BCL2L1: variants seen among roughly 807,000 people sequenced by gnomAD.
BCL2L1 encodes BCL2 like 1.
A neutral mutation model predicts 18.7 loss-of-function variants in BCL2L1; 1 was observed. That is an observed-to-expected ratio of 0.05 (90% CI 0.02 to 0.25). BCL2L1 has a LOEUF of 0.25. BCL2L1 is among the 10% of genes least tolerant of loss of function. The pLI is 1.00. For synonymous variants in BCL2L1, 103 were observed against 122.7 expected (o/e 0.84, Z 1.06); for missense variants, 207 against 304.9 (o/e 0.68, Z 2.39).
At chr20:31,718,655 C>CAA (rs969020819) in intron 2 of BCL2L1, among the ~76,000 whole-genome samples, 16 of 66,098 alleles carry the variant, frequency 2.4e-4, no homozygotes, top group South Asian at 4.9e-4. Context: ...GACTCCGTCT[C>CAA]AAAAAAAAAA....
intron 2 of BCL2L1, among the ~76,000 whole-genome samples, chr20:31,691,474 A>T (rs1031788639): frequency 4.6e-5 from 7 of 151,234 alleles, no homozygotes; most frequent in African/African-American, 1.7e-4. Flanking sequence ...AGACCGTGCC[A>T]CTGTACTCCA....
chr20:31,690,605 CTG>C (rs1360937656), intron 2 of BCL2L1, among the ~76,000 whole-genome samples: 1 of 150,208 alleles, frequency 6.7e-6, no homozygotes, highest in Non-Finnish European at 1.5e-5. Flanking sequence ...GAGTCTCACT[CTG>C]TTGCCCAGGC....
At chr20:31,701,332 G>C (rs1289542422) in intron 2 of BCL2L1, among the ~76,000 whole-genome samples, 1 of 152,198 alleles carries the variant, frequency 6.6e-6, no homozygotes, top group Non-Finnish European at 1.5e-5. Flanking sequence ...GATTACAGGC[G>C]TGAGCCACCA....
chr20:31,704,104 C>CTTTT, intron 2 of BCL2L1, among the ~76,000 whole-genome samples: 1 of 114,190 alleles, frequency 8.8e-6, no homozygotes, highest in Non-Finnish European at 1.8e-5. Context: ...GGCCCTAAAC[C>CTTTT]TTTTTTTTTT....
intron 2 of BCL2L1, among the ~76,000 whole-genome samples, chr20:31,712,746 T>G (rs573757673): frequency 1.5e-4 from 23 of 152,196 alleles, no homozygotes; most frequent in African/African-American, 5.1e-4. Context: ...TATCCCTGCC[T>G]GACTCGGGGG....
At chr20:31,718,070 T>G (rs889802350) in intron 2 of BCL2L1, among the ~76,000 whole-genome samples, 7 of 152,180 alleles carry the variant, frequency 4.6e-5, no homozygotes, top group African/African-American at 7.2e-5. Flanking sequence ...ACCCTACAAT[T>G]ATGGCAGGAG....
Position 31,664,873 on chromosome 20 carries a change from GGCAGCCTGGCTGCCCAGGCT to G in BCL2L1, c.*1056_*1075del, listed in dbSNP as rs2060563687. 5 of 218,344 alleles carry G rather than the reference GGCAGCCTGGCTGCCCAGGCT, an allele frequency of 2.3e-5. No homozygotes were observed. The highest frequency in any genetic ancestry group is 4.6e-5 in the Non-Finnish European group (5 of 108,270). 13.5% of individuals were successfully genotyped at this position (218,344 alleles called of 1,614,324 possible). On this transcript the variant is annotated 3_prime_UTR_variant, in exon 3 of 3. Coordinates refer to ENST00000307677, the MANE Select transcript of BCL2L1 (RefSeq NM_138578.3). Reference sequence around the variant, plus strand: ...CTCCTGGCCAGGCCACTCTGGCCTTGGCAGCCTGGCTGCCCAGGCTGGACAGGCATGGGGCACAGATCTGC... The same window carrying G: ...CTCCTGGCCAGGCCACTCTGGCCTTGGGACAGGCATGGGGCACAGATCTGC...
chr20:31,675,221 T>C (rs1045176676), intron 2 of BCL2L1, among the ~76,000 whole-genome samples: 3 of 151,880 alleles, frequency 2.0e-5, no homozygotes, highest in Non-Finnish European at 2.9e-5. Context: ...AAGAGGTAGG[T>C]GGAGAAGAGG....
rs548328234 is a variant in BCL2L1 at position 31,668,750 on chromosome 20, G to A, written c.565-2664C>T. ...CTCCCAAGTAGCTGGGATTACAGGC[G>A]CGTGCCACCACACCTGGCTAATTTT... On this transcript the variant is annotated intron_variant, in intron 2 of 2. Transcript: ENST00000307677. Among the ~76,000 whole-genome samples, 188 of 151,504 alleles carry A rather than the reference G, an allele frequency of 1.2e-3. 1 individual carries two copies. The highest frequency in any genetic ancestry group is 2.2e-3 in the Non-Finnish European group (146 of 67,886).
intron 2 of BCL2L1, among the ~76,000 whole-genome samples, chr20:31,704,192 C>T (rs763190168): frequency 2.6e-5 from 4 of 151,048 alleles, no homozygotes; most frequent in Non-Finnish European, 5.9e-5. Flanking sequence ...CAACCTATGC[C>T]TCCCAGGTTC....
chr20:31,693,494 G>A (rs980572362), intron 2 of BCL2L1, among the ~76,000 whole-genome samples: 1 of 151,900 alleles, frequency 6.6e-6, no homozygotes, highest in Non-Finnish European at 1.5e-5. Context: ...AGCTGTGATT[G>A]GGGAGGGGGT....
At chr20:31,685,958 T>C (rs140676592) in intron 2 of BCL2L1, among the ~76,000 whole-genome samples, 2 of 152,290 alleles carry the variant, frequency 1.3e-5, no homozygotes, top group African/African-American at 2.4e-5. Flanking sequence ...TTATTATGCC[T>C]CCCTTACATT....
chr20:31,674,601 G>A (rs2060726906), intron 2 of BCL2L1, among the ~76,000 whole-genome samples: 1 of 152,120 alleles, frequency 6.6e-6, no homozygotes, highest in Admixed American at 6.6e-5. Context: ...AGCTGTGATG[G>A]CTCACACCTG....
intron 2 of BCL2L1, among the ~76,000 whole-genome samples, chr20:31,715,000 C>A (rs577496032): frequency 6.6e-6 from 1 of 152,282 alleles, no homozygotes; most frequent in East Asian, 1.9e-4. Context: ...CCAGGCCTGG[C>A]ACGGTGGCTC....
chr20:31,701,409 T>C (rs1236867477), intron 2 of BCL2L1, among the ~76,000 whole-genome samples: 1 of 152,218 alleles, frequency 6.6e-6, no homozygotes, highest in African/African-American at 2.4e-5. Context: ...TATTTAGTTA[T>C]AAAGAATGGC....
chr20:31,702,859 C>G (rs1395363886), intron 2 of BCL2L1, among the ~76,000 whole-genome samples: 1 of 149,138 alleles, frequency 6.7e-6, no homozygotes, highest in East Asian at 2.2e-4. Context: ...GGCAGGAGAA[C>G]CGCTTGAACC....
At chr20:31,681,663 A>C (rs1410363675) in intron 2 of BCL2L1, among the ~76,000 whole-genome samples, 1 of 152,116 alleles carries the variant, frequency 6.6e-6, no homozygotes, top group Admixed American at 6.5e-5. Flanking sequence ...CAATCAATAA[A>C]AGTAGAGCTG....
chr20:31,697,892 G>GTTTTTTTTTTTTTTTTTTTTT (rs199575410), intron 2 of BCL2L1, among the ~76,000 whole-genome samples: 36 of 129,646 alleles, frequency 2.8e-4, no homozygotes, highest in African/African-American at 1.1e-3. Context: ...TGCTGTTGCT[G>GTTTTTTTTTTTTTTTTTTTTT]TTTTTTTTTT....
At chr20:31,706,705 C>A (rs2061373500) in intron 2 of BCL2L1, among the ~76,000 whole-genome samples, 1 of 152,174 alleles carries the variant, frequency 6.6e-6, no homozygotes, top group Non-Finnish European at 1.5e-5. Flanking sequence ...TGCTTCTACT[C>A]AAAAAATGCT....
Sources: allele counts gnomAD v4.1 joint callset (sites outside exome capture counted in the v4.1 genomes callset), GRCh38; gene constraint gnomAD v4.1.1; transcripts MANE v1.5; gene names NCBI Gene and HGNC (gene_info 2026-07-23, HGNC 2026-07-21).